The following PIP5K1B variants were observed in gnomAD, a reference collection of about 807,000 sequenced individuals.
The protein encoded by PIP5K1B is phosphatidylinositol-4-phosphate 5-kinase type 1 beta, also known as phosphatidylinositol 4-phosphate 5-kinase type-1 beta.
In PIP5K1B, 42 loss-of-function variants were observed where a neutral mutation model predicts 67.0. That is an observed-to-expected ratio of 0.63 (90% CI 0.49 to 0.81). The LOEUF (loss-of-function observed/expected upper bound fraction) is 0.81, where lower values mean the gene tolerates loss of function less well. Among genes scored for constraint, PIP5K1B ranks in the 30% least tolerant of loss-of-function variants. The pLI, the probability that PIP5K1B is intolerant of heterozygous loss-of-function variation, is 0.00. For synonymous variants in PIP5K1B, 214 were observed against 231.4 expected (o/e 0.92, Z 0.68); for missense variants, 459 against 646.3 (o/e 0.71, Z 3.14).
intron 8 of PIP5K1B, among the ~76,000 whole-genome samples, chr9:68,908,052 C>T (rs749809067): frequency 4.7e-4 from 71 of 152,154 alleles, no homozygotes; most frequent in Non-Finnish European, 1.9e-4. Context: ...CACACATGGA[C>T]GTGGATGTGG....
chr9:68,723,493 C>T (rs949931317), intron 1 of PIP5K1B, among the ~76,000 whole-genome samples: 2 of 151,944 alleles, frequency 1.3e-5, no homozygotes, highest in African/African-American at 2.4e-5. Context: ...TACATCCTCT[C>T]CAGCATTTGT....
intron 14 of PIP5K1B, among the ~76,000 whole-genome samples, chr9:68,945,641 A>T (rs1211613377): frequency 2.0e-5 from 3 of 152,222 alleles, no homozygotes; most frequent in Non-Finnish European, 4.4e-5. Flanking sequence ...CTTTATACAT[A>T]TCAAGTGATT....
intron 14 of PIP5K1B, among the ~76,000 whole-genome samples, chr9:68,952,492 CT>C (rs751567987): frequency 6.6e-6 from 1 of 152,192 alleles, no homozygotes; most frequent in African/African-American, 2.4e-5. Flanking sequence ...GCTTCTTCCT[CT>C]TTCTTGGTTT....
intron 14 of PIP5K1B, among the ~76,000 whole-genome samples, chr9:68,990,785 T>A (rs1035040054): frequency 6.6e-6 from 1 of 151,740 alleles, no homozygotes; most frequent in Admixed American, 6.6e-5. Context: ...TGCCTCAGCC[T>A]CCTGAGTAGC....
rs768369940 is a variant in PIP5K1B at position 68,894,578 on chromosome 9, G to A, written c.711G>A (p.Gly237=). Residue 237 remains glycine (G), a synonymous_variant, in exon 8 of 16, where the codon GGG becomes GGA. Transcript: ENST00000265382. Reference sequence around the variant, plus strand: ...ATTTCCTGCAAGACATGCACGAAGGGTTGTATTTTGATACGGAAACATACA... The same window carrying A: ...ATTTCCTGCAAGACATGCACGAAGGATTGTATTTTGATACGGAAACATACA... ...DLDFLQDMHE[G]LYFDTETYNA... 8 of 1,614,172 alleles carry A rather than the reference G, an allele frequency of 5.0e-6. No individual in the cohort carries two copies. In the South Asian group the frequency reaches 8.8e-5, roughly 18 times the overall value.
chr9:68,816,632 T>C (rs1000535888), intron 2 of PIP5K1B, among the ~76,000 whole-genome samples: 2 of 152,168 alleles, frequency 1.3e-5, no homozygotes, highest in Admixed American at 6.5e-5. Flanking sequence ...ACTAAATCAA[T>C]GTATATAGGA....
chr9:68,780,202 C>G, intron 2 of PIP5K1B: 1 of 1,536,200 alleles, frequency 6.5e-7, no homozygotes, highest in Non-Finnish European at 8.7e-7. Context: ...CTGGAGCTGC[C>G]TCCGGGTACG....
intron 4 of PIP5K1B, 113 bp downstream of exon 4, chr9:68,822,796 C>T: frequency 1.3e-6 from 1 of 743,376 alleles, no homozygotes; most frequent in Non-Finnish European, 2.3e-6. Flanking sequence ...TCTTAGTTTC[C>T]AGTTGCTGCT....
chr9:68,797,568 A>G (rs1163135668), intron 2 of PIP5K1B, among the ~76,000 whole-genome samples: 2 of 152,204 alleles, frequency 1.3e-5, no homozygotes, highest in Non-Finnish European at 2.9e-5. Context: ...GAATTACTAA[A>G]CCATTTGACC....
At chr9:68,852,554 A>G (rs1192217706) in intron 4 of PIP5K1B, among the ~76,000 whole-genome samples, 1 of 152,166 alleles carries the variant, frequency 6.6e-6, no homozygotes, top group Non-Finnish European at 1.5e-5. Context: ...ATGGTGTCCC[A>G]TTGGCCAAAC....
At position 68,907,821 on chromosome 9, in the gene PIP5K1B, A is replaced by T. The variant is rs1240762451; in HGVS notation, c.772-9727A>T. 2.0e-5 allele frequency among the ~76,000 whole-genome samples: 3 copies of T among 152,344 alleles called. No individual in the cohort carries two copies. The East Asian group carries it at 5.8e-4, about 29-fold the overall frequency. Reference sequence around the variant, plus strand: ...GTGGGAGGTACAAAAAATGAATAGGATGTAGTCCTTTTTCTAAGAAGCTTA... The same window carrying T: ...GTGGGAGGTACAAAAAATGAATAGGTTGTAGTCCTTTTTCTAAGAAGCTTA... On this transcript the variant is annotated intron_variant, in intron 8 of 15. Transcript: ENST00000265382.
intron 2 of PIP5K1B, among the ~76,000 whole-genome samples, chr9:68,804,152 A>T (rs1832744335): frequency 6.6e-6 from 1 of 152,200 alleles, no homozygotes; most frequent in South Asian, 2.1e-4. Flanking sequence ...AGGAGGGAGC[A>T]TCAAGGTGAA....
intron 11 of PIP5K1B, among the ~76,000 whole-genome samples, chr9:68,922,352 A>G (rs896898745): frequency 7.3e-5 from 11 of 151,676 alleles, no homozygotes; most frequent in African/African-American, 2.7e-4. Flanking sequence ...AATCGCAGCT[A>G]CTGATGATGC....
intron 2 of PIP5K1B, chr9:68,780,281 C>A (rs769009779): frequency 1.9e-6 from 3 of 1,587,088 alleles, no homozygotes; most frequent in Non-Finnish European, 2.6e-6. Context: ...ACAGCGCCCC[C>A]CTGATCCACG....
In PIP5K1B at chr9:68,851,847, T is replaced by G. The variant is rs183857274; in HGVS notation, c.70-11990T>G. 3.3e-5 allele frequency among the ~76,000 whole-genome samples: 5 copies of G among 152,342 alleles called. No homozygotes were observed. In the East Asian group the frequency reaches 9.7e-4, roughly 29 times the overall value. On this transcript the variant is annotated intron_variant, in intron 4 of 15. Transcript: ENST00000265382. ...CCCTCTTCCAAAGCACAGCTGGGTC[T>G]GGAAAGCAGCTGCAGAGCCGGCCCT...
intron 14 of PIP5K1B, among the ~76,000 whole-genome samples, chr9:68,949,829 C>T (rs1339040591): frequency 3.3e-5 from 5 of 152,104 alleles, no homozygotes; most frequent in African/African-American, 9.7e-5. Flanking sequence ...TGCAGAAAAC[C>T]GAAGTGAGGC....
chr9:68,722,359 C>A (rs940710862), intron 1 of PIP5K1B, among the ~76,000 whole-genome samples: 1 of 152,018 alleles, frequency 6.6e-6, no homozygotes, highest in Non-Finnish European at 1.5e-5. Flanking sequence ...TGCCTGCCTC[C>A]GCGCCAGGCT....
rs71353094 is a variant in PIP5K1B, at chr9:68,925,795, ATTTT to A, written c.1201+2426_1201+2429del. ...ACATGAATACCAGCTTGTGGTTCCA[ATTTT>A]TTTTTTTTTTTTTTTTGAGACAGGG... On this transcript the variant is annotated intron_variant, in intron 12 of 15. Transcript: ENST00000265382. Among the ~76,000 whole-genome samples, 8 of 73,296 alleles carry A rather than the reference ATTTT, an allele frequency of 1.1e-4. No individual in the cohort carries two copies. The Admixed American group carries it at 1.4e-3, about 13-fold the overall frequency. 48.1% of individuals were successfully genotyped at this position (73,296 alleles called of 152,430 possible). A position where few individuals can be genotyped will look rare whatever the true frequency, so the allele number is the denominator to read the frequency against.
intron 4 of PIP5K1B, among the ~76,000 whole-genome samples, chr9:68,862,279 C>T (rs1564190791): frequency 6.6e-6 from 1 of 152,134 alleles, no homozygotes; most frequent in East Asian, 1.9e-4. Context: ...TAATCTGGCT[C>T]TGTATACACT....
Sources: gnomAD v4.1 joint callset for allele counts (sites outside exome capture counted in the v4.1 genomes callset) on GRCh38, gnomAD v4.1.1 for gene constraint, MANE v1.5 for transcripts, NCBI Gene and HGNC (gene_info 2026-07-23, HGNC 2026-07-21) for gene names.